FUT8: variants seen among roughly 807,000 people sequenced by gnomAD.
FUT8 encodes the protein fucosyltransferase 8.
Under a neutral mutation model 71.3 loss-of-function variants are expected in FUT8, and 29 were observed. The observed-to-expected ratio is 0.41, with a 90% CI of 0.30 to 0.55. The LOEUF (loss-of-function observed/expected upper bound fraction) is 0.55. Ranked by LOEUF, FUT8 falls within the 20% of genes least tolerant of loss-of-function variation. FUT8 has a pLI of 0.34. For missense variants in FUT8, 544 were observed against 702.1 expected (o/e 0.77, Z 2.55); for synonymous variants, 254 against 239.3 (o/e 1.06, Z -0.57).
At chr14:65,718,742 T>C (rs1895255096) in intron 7 of FUT8, among the ~76,000 whole-genome samples, 1 of 152,226 alleles carries the variant, frequency 6.6e-6, no homozygotes. Context: ...GGATATACTA[T>C]TCTAGGGTAA....
chr14:65,528,390 C>G (rs1883667920), intron 2 of FUT8, among the ~76,000 whole-genome samples: 1 of 152,208 alleles, frequency 6.6e-6, no homozygotes, highest in Admixed American at 6.5e-5. Context: ...TTGCTTAAGA[C>G]CATTGGAAAA....
chr14:65,437,017 C>T (rs2065571999), intron 1 of FUT8, among the ~76,000 whole-genome samples: 1 of 152,236 alleles, frequency 6.6e-6, no homozygotes, highest in Admixed American at 6.5e-5. Context: ...GTACTCAACT[C>T]TGCCATTTAC....
At chr14:65,569,813 T>G (rs1232729805) in intron 3 of FUT8, among the ~76,000 whole-genome samples, 2 of 152,012 alleles carry the variant, frequency 1.3e-5, no homozygotes, top group Admixed American at 1.3e-4. Flanking sequence ...GAGGCTTTTC[T>G]CTGTTGGAGA....
At position 65,742,578 on chromosome 14, in the gene FUT8, T is replaced by C; in HGVS notation, c.*168T>C. On this transcript the variant is annotated 3_prime_UTR_variant, in exon 11 of 11. Coordinates refer to ENST00000673929, the MANE Select transcript of FUT8 (RefSeq NM_001371533.1). ...GGGAACTGACATAGGCTTCAATTGG[T>C]GGAATTCCTCTTTAACAAGGGCTGC... The C allele has an allele frequency of 1.6e-6, 1 of 612,622 alleles. No individual in the cohort carries two copies. The highest frequency in any genetic ancestry group is 2.9e-6 in the Non-Finnish European group (1 of 350,614). The allele number at this position is 612,622 out of a possible 1,614,324, so 37.9% of individuals were successfully genotyped here. A position where few individuals can be genotyped will look rare whatever the true frequency, so the allele number is the denominator to read the frequency against.
At chr14:65,583,222 G>C (rs1887184530) in intron 3 of FUT8, among the ~76,000 whole-genome samples, 1 of 151,758 alleles carries the variant, frequency 6.6e-6, no homozygotes, top group South Asian at 2.1e-4. Flanking sequence ...TGTTACCCAG[G>C]CTGAGTGCAG....
chr14:65,456,638 G>C (rs916884974), intron 2 of FUT8, among the ~76,000 whole-genome samples: 1 of 152,018 alleles, frequency 6.6e-6, no homozygotes, highest in Non-Finnish European at 1.5e-5. Flanking sequence ...ACTTTGGGAG[G>C]CTGAGGCGGG....
chr14:65,673,985 C>G (rs888523730), intron 7 of FUT8, among the ~76,000 whole-genome samples: 1 of 152,048 alleles, frequency 6.6e-6, no homozygotes, highest in Non-Finnish European at 1.5e-5. Context: ...TTAACCTTTA[C>G]AAAACTACTA....
chr14:65,480,419 G>A (rs2066312898), intron 2 of FUT8, among the ~76,000 whole-genome samples: 1 of 149,076 alleles, frequency 6.7e-6, no homozygotes, highest in Non-Finnish European at 1.5e-5. Context: ...AGGCTTAGGT[G>A]ATCCTCCCAC....
chr14:65,647,861 A>T (rs1891186680), intron 6 of FUT8, among the ~76,000 whole-genome samples: 1 of 152,026 alleles, frequency 6.6e-6, no homozygotes. Context: ...ACCTAAATGT[A>T]TGTGTCTCAT....
At chr14:65,736,957 G>A (rs1426941412) in intron 10 of FUT8, among the ~76,000 whole-genome samples, 1 of 152,040 alleles carries the variant, frequency 6.6e-6, no homozygotes, top group Non-Finnish European at 1.5e-5. Context: ...TATAACAATA[G>A]TGAGAAAGAG....
intron 3 of FUT8, among the ~76,000 whole-genome samples, chr14:65,613,859 T>A (rs1328093083): frequency 2.0e-5 from 3 of 152,140 alleles, no homozygotes; most frequent in Non-Finnish European, 2.9e-5. Context: ...ATACCTGTAA[T>A]TCAGCACTTT....
At chr14:65,377,775 C>T in the FUT8 span, among the ~76,000 whole-genome samples, 11 of 151,980 alleles carry the variant, frequency 7.2e-5, no homozygotes, top group African/African-American at 2.7e-4. Context: ...GCCTGGTATG[C>T]CCCTCCCACC....
At chr14:65,540,764 G>GA (rs1172939341) in intron 2 of FUT8, among the ~76,000 whole-genome samples, 1 of 152,222 alleles carries the variant, frequency 6.6e-6, no homozygotes, top group Non-Finnish European at 1.5e-5. Flanking sequence ...GTTGTGTATG[G>GA]AGAGCTGGAG....
chr14:65,598,280 T>C (rs914276015), intron 3 of FUT8, among the ~76,000 whole-genome samples: 1 of 152,092 alleles, frequency 6.6e-6, no homozygotes, highest in Non-Finnish European at 1.5e-5. Flanking sequence ...TGGAGTGTAG[T>C]GGCGTGATCT....
chr14:65,706,259 G>A (rs1416987450), intron 7 of FUT8, among the ~76,000 whole-genome samples: 2 of 152,106 alleles, frequency 1.3e-5, no homozygotes, highest in African/African-American at 4.8e-5. Context: ...AGAGGATTTG[G>A]ACACCAGTTT....
chr14:65,558,534 GTATT>G (rs1345093195), intron 2 of FUT8, among the ~76,000 whole-genome samples: 3 of 152,160 alleles, frequency 2.0e-5, no homozygotes, highest in Non-Finnish European at 4.4e-5. Flanking sequence ...AGTTTAAGCT[GTATT>G]TATTAGTGCC....
intron 3 of FUT8, among the ~76,000 whole-genome samples, chr14:65,579,338 TAC>T (rs773799975): frequency 1.2e-4 from 18 of 152,276 alleles, no homozygotes; most frequent in Non-Finnish European, 2.4e-4. Flanking sequence ...AATTTTATAT[TAC>T]AGTTACTTTT....
At chr14:65,386,118 C>G in the FUT8 span, among the ~76,000 whole-genome samples, 1 of 151,420 alleles carries the variant, frequency 6.6e-6, no homozygotes, top group African/African-American at 2.4e-5. Flanking sequence ...CGCCCTTGCA[C>G]TCCAGCCTGG....
At chr14:65,375,907 A>G in the FUT8 span, among the ~76,000 whole-genome samples, 18 of 152,030 alleles carry the variant, frequency 1.2e-4, no homozygotes, top group Admixed American at 3.3e-4. Flanking sequence ...CCTGACCAAC[A>G]TGGTGAAACT....
Sources: gnomAD v4.1 joint callset for allele counts (sites outside exome capture counted in the v4.1 genomes callset) on GRCh38, gnomAD v4.1.1 for gene constraint, MANE v1.5 for transcripts, NCBI Gene and HGNC (gene_info 2026-07-23, HGNC 2026-07-21) for gene names.